PARD3B: variants seen among roughly 807,000 people sequenced by gnomAD.
The protein encoded by PARD3B is partitioning defective 3 homolog B.
Under a neutral mutation model 130.2 loss-of-function variants are expected in PARD3B, and 103 were observed. The observed-to-expected ratio is 0.79, with a 90% confidence interval of 0.67 to 0.93. The LOEUF (loss-of-function observed/expected upper bound fraction) is 0.93. PARD3B is among the 40% of genes least tolerant of loss of function. The probability of loss-of-function intolerance (pLI) is 0.00; values close to 1 mark genes in which losing one functional copy is unlikely to be tolerated. For synonymous variants in PARD3B, 583 were observed against 553.2 expected (o/e 1.05, Z -0.76); for missense variants, 1,609 against 1,499.2 (o/e 1.07, Z -1.21).
chr2:205,209,322 T>G (rs1191812231), intron 15 of PARD3B, among the ~76,000 whole-genome samples: 1 of 151,766 alleles, frequency 6.6e-6, no homozygotes, highest in African/African-American at 2.4e-5. Flanking sequence ...AAGGACTTCA[T>G]GTCTAAAACA....
At chr2:204,908,310 A>G (rs1201150393) in intron 2 of PARD3B, among the ~76,000 whole-genome samples, 2 of 152,240 alleles carry the variant, frequency 1.3e-5, no homozygotes, top group Admixed American at 1.3e-4. Context: ...TATAATTATC[A>G]CATATCGAAG....
intron 2 of PARD3B, among the ~76,000 whole-genome samples, chr2:204,832,318 C>T (rs866456433): frequency 6.6e-6 from 1 of 151,736 alleles, no homozygotes; most frequent in Non-Finnish European, 1.5e-5. Flanking sequence ...AAGATTTTTG[C>T]GTTCATGCTT....
intron 3 of PARD3B, among the ~76,000 whole-genome samples, chr2:204,981,772 G>A (rs1471701661): frequency 6.6e-6 from 1 of 152,156 alleles, no homozygotes; most frequent in Non-Finnish European, 1.5e-5. Context: ...ACATGGTCAG[G>A]AGAGTAGGGT....
At chr2:205,571,471 T>C (rs2053559361) in intron 22 of PARD3B, among the ~76,000 whole-genome samples, 1 of 151,892 alleles carries the variant, frequency 6.6e-6, no homozygotes, top group African/African-American at 2.4e-5. Context: ...GGCCACGGAG[T>C]GCAGCTGTTG....
Position 205,421,391 on chromosome 2 carries a change from T to C in PARD3B, c.2742-18979T>C, listed in dbSNP as rs995035043. On this transcript the variant is annotated intron_variant, in intron 19 of 22. Transcript: ENST00000406610. This position sits in a 1 kb window ranked among gnomAD's most constrained non-coding sequence, Gnocchi z 5.1. ...TATGTTTAACATTTAGAGCCATTTA[T>C]GTGGGTTTCCTCTCCTGTGTTCCAC... Among the ~76,000 whole-genome samples the C allele has an allele frequency of 6.6e-6, 1 of 152,216 alleles. No individual in the cohort carries two copies. Among genetic ancestry groups the C allele is most frequent in the Non-Finnish European group, 1.5e-5 (1 of 68,048 alleles).
intron 1 of PARD3B, among the ~76,000 whole-genome samples, chr2:204,616,790 G>C (rs2034128620): frequency 6.6e-6 from 1 of 152,146 alleles, no homozygotes; most frequent in Non-Finnish European, 1.5e-5. Flanking sequence ...TCAGTGAATG[G>C]GAAGTCCTGC....
intron 3 of PARD3B, among the ~76,000 whole-genome samples, chr2:204,986,849 A>C (rs910777950): frequency 3.9e-5 from 6 of 152,198 alleles, no homozygotes; most frequent in Non-Finnish European, 8.8e-5. Flanking sequence ...ATTTTACCTC[A>C]GCTGATAAGA....
Position 205,121,835 on chromosome 2 carries a change from A to G in PARD3B, c.1051A>G (p.Lys351Glu). Residue 351 changes from lysine to glutamate, a missense_variant, in exon 8 of 23, where the codon AAG becomes GAG. Transcript: ENST00000406610. The surrounding 1 kb of genome is among the most constrained non-coding windows in gnomAD (Gnocchi z 5.0). ...TGCATCAGCTTCCCTGCAACAAAAC[A>G]AGAGTCCCCGAGTACCAAGGCTGGG... Reference protein sequence around the residue: ...TDASASLQQNKSPRVPRLGGK... With the variant: ...TDASASLQQNESPRVPRLGGK... 6 of 1,614,142 alleles carry G rather than the reference A, an allele frequency of 3.7e-6. No homozygotes were observed. Among genetic ancestry groups the G allele is most frequent in the Non-Finnish European group, 4.2e-6 (5 of 1,180,014 alleles).
chr2:204,885,926 C>T (rs976268734), intron 2 of PARD3B, among the ~76,000 whole-genome samples: 1 of 152,166 alleles, frequency 6.6e-6, no homozygotes, highest in Admixed American at 6.5e-5. Context: ...GGAAGAGCTT[C>T]TCAGCACAAT....
intron 3 of PARD3B, among the ~76,000 whole-genome samples, chr2:205,027,829 C>T (rs887996315): frequency 6.6e-6 from 1 of 151,992 alleles, no homozygotes; most frequent in African/African-American, 2.4e-5. Flanking sequence ...CTATCCTTTC[C>T]CCATTTTGCA....
intron 4 of PARD3B, among the ~76,000 whole-genome samples, chr2:205,060,869 G>A (rs774625829): frequency 6.6e-6 from 1 of 152,042 alleles, no homozygotes; most frequent in Non-Finnish European, 1.5e-5. Context: ...CAATTATGAT[G>A]GCAGTTTCAC....
At chr2:204,590,663 GA>G (rs2033035712) in intron 1 of PARD3B, among the ~76,000 whole-genome samples, 1 of 152,190 alleles carries the variant, frequency 6.6e-6, no homozygotes. Flanking sequence ...CAGCCAGAAG[GA>G]AAGGGACTGT....
At chr2:205,398,576 T>C (rs907058403) in intron 18 of PARD3B, among the ~76,000 whole-genome samples, 9 of 151,672 alleles carry the variant, frequency 5.9e-5, no homozygotes, top group Non-Finnish European at 2.9e-5. Flanking sequence ...AGGGAGAAAA[T>C]TTAGGAAAGA....
chr2:205,025,203 A>G (rs1025419467), intron 3 of PARD3B, among the ~76,000 whole-genome samples: 2 of 152,154 alleles, frequency 1.3e-5, no homozygotes, highest in African/African-American at 4.8e-5. Context: ...TTAGATAGCA[A>G]AGGCAAACTG....
intron 2 of PARD3B, among the ~76,000 whole-genome samples, chr2:204,871,478 T>C (rs923080342): frequency 3.3e-5 from 5 of 151,908 alleles, no homozygotes; most frequent in African/African-American, 1.2e-4. Context: ...TGAGACAGAA[T>C]AACATTTTCA....
chr2:204,691,701 A>G (rs2037362431), intron 2 of PARD3B, among the ~76,000 whole-genome samples: 1 of 152,068 alleles, frequency 6.6e-6, no homozygotes, highest in South Asian at 2.1e-4. Context: ...TGGTAGTGCT[A>G]TTACAGTATT....
chr2:204,719,704 C>T (rs1011776083), intron 2 of PARD3B, among the ~76,000 whole-genome samples: 1 of 152,138 alleles, frequency 6.6e-6, no homozygotes, highest in African/African-American at 2.4e-5. Flanking sequence ...AGTATTATTA[C>T]TGATTTAATT....
At chr2:204,920,155 A>T (rs2125748201) in intron 2 of PARD3B, among the ~76,000 whole-genome samples, 1 of 152,328 alleles carries the variant, frequency 6.6e-6, no homozygotes, top group Non-Finnish European at 1.5e-5. Context: ...CAAAACAAAA[A>T]GTCTTAAGGT....
chr2:204,804,523 G>A (rs1559158571), intron 2 of PARD3B, among the ~76,000 whole-genome samples: 1 of 152,128 alleles, frequency 6.6e-6, no homozygotes. Context: ...GTGAAAGATA[G>A]AGACCCCAAT....
Sources: allele counts gnomAD v4.1 joint callset (sites outside exome capture counted in the v4.1 genomes callset), GRCh38; gene constraint gnomAD v4.1.1; non-coding constraint Gnocchi (gnomAD v3.1); transcripts MANE v1.5; gene names NCBI Gene and HGNC (gene_info 2026-07-23, HGNC 2026-07-21).